The following MECOM variants were observed in gnomAD, a reference collection of about 807,000 sequenced individuals.
The protein encoded by MECOM is histone-lysine N-methyltransferase MECOM.
In MECOM, 13 loss-of-function variants were observed where a neutral mutation model predicts 116.3. The observed-to-expected ratio is 0.11, with a 90% CI of 0.07 to 0.18. MECOM has a LOEUF of 0.18. MECOM is among the 10% of genes least tolerant of loss of function. MECOM has a pLI of 1.00. For missense variants in MECOM, 1,299 were observed against 1,509.0 expected (o/e 0.86, Z 2.31); for synonymous variants, 528 against 535.2 (o/e 0.99, Z 0.19).
chr3:169,220,033 G>A (rs557305452), intron 2 of MECOM, among the ~76,000 whole-genome samples: 1 of 151,036 alleles, frequency 6.6e-6, no homozygotes, highest in African/African-American at 2.4e-5. Flanking sequence ...TAACTATATA[G>A]TTAGAAAATA....
chr3:169,366,053 G>A (rs1012706105), intron 2 of MECOM, among the ~76,000 whole-genome samples: 4 of 152,034 alleles, frequency 2.6e-5, no homozygotes, highest in African/African-American at 7.2e-5. Flanking sequence ...CAGCAATTGC[G>A]TTCCTTCTCT....
chr3:169,215,036 GA>G (rs1751249575), intron 2 of MECOM, among the ~76,000 whole-genome samples: 1 of 150,674 alleles, frequency 6.6e-6, no homozygotes, highest in Non-Finnish European at 1.5e-5. Flanking sequence ...TTTGAAAATA[GA>G]AAGGCAGTTG....
intron 2 of MECOM, among the ~76,000 whole-genome samples, chr3:169,367,468 G>A (rs1729385371): frequency 6.6e-6 from 1 of 151,860 alleles, no homozygotes; most frequent in South Asian, 2.1e-4. Context: ...GAAAGCATCA[G>A]GTATCAAATA....
At chr3:169,439,055 A>G (rs1038061703) in intron 1 of MECOM, among the ~76,000 whole-genome samples, 1 of 150,744 alleles carries the variant, frequency 6.6e-6, no homozygotes, top group Non-Finnish European at 1.5e-5. Context: ...AAGACAAGCT[A>G]GGAAAGATAT....
At chr3:169,386,827 AC>A (rs374708216) in intron 1 of MECOM, among the ~76,000 whole-genome samples, 1 of 152,140 alleles carries the variant, frequency 6.6e-6, no homozygotes, top group South Asian at 2.1e-4. Flanking sequence ...TACCAATTAT[AC>A]TGGCATTTAT....
At chr3:169,145,184 AC>A in intron 2 of MECOM, 1 of 89,162 alleles carries the variant, frequency 1.1e-5, no homozygotes, top group South Asian at 9.3e-5. Context: ...ACACACACAC[AC>A]ACACAGAGAG....
intron 1 of MECOM, among the ~76,000 whole-genome samples, chr3:169,467,977 G>A (rs1244448350): frequency 6.6e-6 from 1 of 152,124 alleles, no homozygotes; most frequent in African/African-American, 2.4e-5. Context: ...CATTATCTCA[G>A]GCTCTGTGGT....
At chr3:169,534,579 A>C (rs1379892614) in intron 1 of MECOM, among the ~76,000 whole-genome samples, 1 of 152,168 alleles carries the variant, frequency 6.6e-6, no homozygotes, top group African/African-American at 2.4e-5. Flanking sequence ...TTTATTTGAC[A>C]GGACACTTGG....
intron 1 of MECOM, among the ~76,000 whole-genome samples, chr3:169,421,862 C>T (rs1007961989): frequency 6.6e-6 from 1 of 152,066 alleles, no homozygotes; most frequent in Non-Finnish European, 1.5e-5. Flanking sequence ...CATGATTAAA[C>T]ATCTCTTGTC....
chr3:169,117,878 T>A (rs1235875636), intron 7 of MECOM, among the ~76,000 whole-genome samples: 1 of 150,090 alleles, frequency 6.7e-6, no homozygotes, highest in Admixed American at 6.6e-5. Flanking sequence ...TCACATTTTT[T>A]ATTTTACTTT....
chr3:169,400,229 G>A (rs925198038), intron 1 of MECOM, among the ~76,000 whole-genome samples: 2 of 152,110 alleles, frequency 1.3e-5, no homozygotes, highest in Non-Finnish European at 1.5e-5. Context: ...GTTCATGTGT[G>A]GGTTTGGTAC....
chr3:169,383,099 A>G (rs1732752911), intron 1 of MECOM, among the ~76,000 whole-genome samples: 1 of 152,034 alleles, frequency 6.6e-6, no homozygotes, highest in Non-Finnish European at 1.5e-5. Context: ...ATTCAGATTT[A>G]TTATTGTAAC....
chr3:169,494,082 C>T (rs1470150738), intron 1 of MECOM, among the ~76,000 whole-genome samples: 2 of 152,030 alleles, frequency 1.3e-5, no homozygotes, highest in East Asian at 3.9e-4. Flanking sequence ...TATGATTATA[C>T]AGCCTTCTCA....
chr3:169,503,454 G>T (rs1246128244), intron 1 of MECOM, among the ~76,000 whole-genome samples: 1 of 152,154 alleles, frequency 6.6e-6, no homozygotes, highest in African/African-American at 2.4e-5. Flanking sequence ...TGATTGAAAA[G>T]ACATTTACCC....
intron 1 of MECOM, among the ~76,000 whole-genome samples, chr3:169,488,749 T>A (rs1422162278): frequency 6.6e-6 from 1 of 151,928 alleles, no homozygotes; most frequent in Non-Finnish European, 1.5e-5. Flanking sequence ...ACAGAAATTA[T>A]AAAATAATTT....
At chr3:169,247,773 T>C (rs1394836036) in intron 2 of MECOM, among the ~76,000 whole-genome samples, 10 of 152,250 alleles carry the variant, frequency 6.6e-5, no homozygotes, top group Admixed American at 6.5e-4. Flanking sequence ...GGATATGCTG[T>C]CATACTTTTG....
chr3:169,363,641 A>C (rs1224318223), intron 2 of MECOM, among the ~76,000 whole-genome samples: 1 of 151,964 alleles, frequency 6.6e-6, no homozygotes, highest in Non-Finnish European at 1.5e-5. Context: ...CATTTCATTT[A>C]AGAGGCTGGC....
At chr3:169,559,787 T>C (rs1172206178) in intron 1 of MECOM, among the ~76,000 whole-genome samples, 2 of 152,150 alleles carry the variant, frequency 1.3e-5, no homozygotes, top group Non-Finnish European at 1.5e-5. Flanking sequence ...ATACGACAGA[T>C]TAAATGGGTT....
At chr3:169,097,819 A>T (rs6808391) in intron 12 of MECOM, among the ~76,000 whole-genome samples, 500 of 38,966 alleles carry the variant, frequency 0.013, 5 homozygotes, top group South Asian at 0.046. Flanking sequence ...TGTCTATATA[A>T]AAAAAAAAAA....
Sources: gnomAD v4.1 joint callset for allele counts (sites outside exome capture counted in the v4.1 genomes callset) on GRCh38, gnomAD v4.1.1 for gene constraint, MANE v1.5 for transcripts, NCBI Gene and HGNC (gene_info 2026-07-23, HGNC 2026-07-21) for gene names.